Variants in ARFGEF3 observed in about 807,000 individuals in gnomAD.
The protein encoded by ARFGEF3 is ARFGEF family member 3, also known as brefeldin A-inhibited guanine nucleotide-exchange protein 3.
Under a neutral mutation model 221.7 loss-of-function variants are expected in ARFGEF3, and 96 were observed. That is an observed-to-expected ratio of 0.43 (90% CI 0.37 to 0.51). The LOEUF is 0.51. ARFGEF3 is among the 20% of genes least tolerant of loss of function. The pLI is 0.00. For missense variants in ARFGEF3, 2,410 were observed against 2,789.9 expected (o/e 0.86, Z 3.07); for synonymous variants, 1,145 against 1,126.8 (o/e 1.02, Z -0.32).
rs555656840 is a variant in ARFGEF3, at chr6:138,254,140, G to A, written c.770+156G>A. On this transcript the variant is annotated intron_variant, in intron 9 of 33. Coordinates refer to ENST00000251691, the MANE Select transcript of ARFGEF3 (RefSeq NM_020340.5). Reference sequence around the variant, plus strand: ...AGGGAAAGCAGGGAAATTGTGGCCAGGTGCAGTTGTTCACACCTGTAATCT... The same window carrying A: ...AGGGAAAGCAGGGAAATTGTGGCCAAGTGCAGTTGTTCACACCTGTAATCT... 7.9e-4 allele frequency among the ~76,000 whole-genome samples: 121 copies of A among 152,272 alleles called. 1 individual carries two copies. The highest frequency in any genetic ancestry group is 1.5e-3 in the Non-Finnish European group (100 of 68,016).
At chr6:138,179,610 G>C (rs1227162852) in intron 2 of ARFGEF3, among the ~76,000 whole-genome samples, 1 of 152,062 alleles carries the variant, frequency 6.6e-6, no homozygotes, top group African/African-American at 2.4e-5. Flanking sequence ...CTTGACGTGG[G>C]GACCTACTGA....
chr6:138,330,384 C>T (rs1479280545), intron 32 of ARFGEF3, among the ~76,000 whole-genome samples: 2 of 152,204 alleles, frequency 1.3e-5, no homozygotes, highest in Non-Finnish European at 2.9e-5. Context: ...TGATCTCAGG[C>T]ATCCAACCTC....
chr6:138,315,234 TGATTTTAAA>T (rs775084819), intron 26 of ARFGEF3, among the ~76,000 whole-genome samples: 22 of 152,200 alleles, frequency 1.4e-4, no homozygotes, highest in Non-Finnish European at 7.3e-5. Flanking sequence ...ATCAAAACAA[TGATTTTAAA>T]GAATTTGTTT....
intron 14 of ARFGEF3, among the ~76,000 whole-genome samples, chr6:138,281,139 G>A (rs1230277962): frequency 3.3e-5 from 5 of 152,168 alleles, no homozygotes; most frequent in Admixed American, 2.0e-4. Flanking sequence ...TGATCCTTGA[G>A]TAAAGGATCA....
chr6:138,251,806 T>C (rs1467464264), intron 8 of ARFGEF3, among the ~76,000 whole-genome samples: 1 of 152,106 alleles, frequency 6.6e-6, no homozygotes, highest in Non-Finnish European at 1.5e-5. Flanking sequence ...AAGAAGTTGC[T>C]CCTGCCATAT....
rs1777308006 is a variant in ARFGEF3, at chr6:138,191,766, G to A, written c.138-15276G>A. On this transcript the variant is annotated intron_variant, in intron 2 of 33. Transcript: ENST00000251691. ...TACTTCCTCAAAACTGTTCTTTCAGGTAGTCTTCTCTACTTCGTTTGCATG... is the reference window on the plus strand; with the variant it reads ...TACTTCCTCAAAACTGTTCTTTCAGATAGTCTTCTCTACTTCGTTTGCATG... 3.9e-5 allele frequency among the ~76,000 whole-genome samples: 6 copies of A among 152,086 alleles called. No homozygotes were observed. The South Asian group carries it at 1.2e-3, about 32-fold the overall frequency.
chr6:138,163,271 A>G (rs1290983300), intron 1 of ARFGEF3, among the ~76,000 whole-genome samples: 2 of 152,190 alleles, frequency 1.3e-5, no homozygotes, highest in Non-Finnish European at 2.9e-5. Flanking sequence ...ACCTGTGCCT[A>G]TCATCACAAA....
intron 1 of ARFGEF3, among the ~76,000 whole-genome samples, chr6:138,169,635 C>G (rs1038852993): frequency 6.6e-6 from 1 of 152,198 alleles, no homozygotes; most frequent in African/African-American, 2.4e-5. Flanking sequence ...GCTTCCCTTT[C>G]TTGTCATCCT....
At chr6:138,324,209 G>A in intron 31 of ARFGEF3, 55 bp downstream of exon 31, 1 of 1,574,510 alleles carries the variant, frequency 6.4e-7, no homozygotes. Context: ...GTGCATGTTG[G>A]GAGACCTTCC....
At chr6:138,186,902 CTTTTTTTTTTTTTTTTT>C (rs71693484) in intron 2 of ARFGEF3, among the ~76,000 whole-genome samples, 5 of 76,002 alleles carry the variant, frequency 6.6e-5, no homozygotes, top group Admixed American at 2.0e-4. Context: ...CATCCTTTTT[CTTTTTTTTTTTTTTTTT>C]TTTTTTTTTT....
chr6:138,271,822 C>T (rs1458695671), intron 12 of ARFGEF3, among the ~76,000 whole-genome samples: 6 of 152,196 alleles, frequency 3.9e-5, no homozygotes, highest in Non-Finnish European at 8.8e-5. Context: ...ATACCCATTC[C>T]TGCTAACTTA....
rs79929562 is a variant in ARFGEF3 at position 138,340,884 on chromosome 6, G to C, written c.*4398G>C. On this transcript the variant is annotated 3_prime_UTR_variant, in exon 34 of 34. Transcript: ENST00000251691. Reference sequence around the variant, plus strand: ...ACTATTTGACATCTCAGATCTGTCTGGGATGTTATGGAGGTTTTTAAAAAT... The same window carrying C: ...ACTATTTGACATCTCAGATCTGTCTCGGATGTTATGGAGGTTTTTAAAAAT... The C allele has an allele frequency of 1.2e-3, 183 of 152,190 alleles. 1 individual carries two copies. The highest frequency in any genetic ancestry group is 4.2e-3 in the African/African-American group (173 of 41,532). The allele number at this position is 152,190 out of a possible 1,614,324, so 9.4% of individuals were successfully genotyped here.
At chr6:138,192,602 A>G (rs530104082) in intron 2 of ARFGEF3, among the ~76,000 whole-genome samples, 278 of 152,336 alleles carry the variant, frequency 1.8e-3, no homozygotes, top group African/African-American at 6.3e-3. Context: ...CTGGCCATGA[A>G]GCAGTTAACT....
Position 138,263,566 on chromosome 6 carries a change from G to A in ARFGEF3, c.2083G>A (p.Glu695Lys), listed in dbSNP as rs1274902700. 3 of 1,611,908 alleles carry A rather than the reference G, an allele frequency of 1.9e-6. No homozygotes were observed. In the Admixed American group the frequency reaches 5.0e-5, roughly 27 times the overall value. The change falls in exon 12 of 34, where the codon GAG (glutamate) becomes AAG (lysine). Residue 695 changes from glutamate (E) to lysine (K), a missense_variant. Physicochemically the swap from Glu to Lys is moderately conservative, Grantham distance 56. Around this residue, in one of 5 missense-constraint regions of ARFGEF3, gnomAD observed 594 missense variants for 734.3 expected, o/e 0.81. Transcript: ENST00000251691. ...GCTCCTGTCTCTCTCCAATGTAGAG[G>A]AGGTGGACACCGCTCTGCAGAACTT... ...PRLLSLSNVE[E>K]VDTALQNFAS... is the part of the protein sequence containing the mutation.
intron 4 of ARFGEF3, among the ~76,000 whole-genome samples, chr6:138,226,176 A>G (rs529743364): frequency 2.6e-5 from 4 of 152,290 alleles, no homozygotes; most frequent in African/African-American, 9.6e-5. Flanking sequence ...TTAATTCAGG[A>G]TGTTCTTAAA....
intron 1 of ARFGEF3, among the ~76,000 whole-genome samples, chr6:138,164,196 G>C (rs1776675217): frequency 1.3e-5 from 2 of 151,316 alleles, no homozygotes; most frequent in South Asian, 2.1e-4. Flanking sequence ...TCACTGTTTA[G>C]ATTACAAAAC....
At chr6:138,322,381 T>C (rs559696905) in intron 29 of ARFGEF3, among the ~76,000 whole-genome samples, 4 of 152,304 alleles carry the variant, frequency 2.6e-5, no homozygotes, top group Admixed American at 1.3e-4. Flanking sequence ...ATGATTCAGT[T>C]ACCTCTCACG....
intron 22 of ARFGEF3, among the ~76,000 whole-genome samples, chr6:138,299,572 C>T (rs1779592463): frequency 6.6e-6 from 1 of 152,194 alleles, no homozygotes; most frequent in African/African-American, 2.4e-5. Flanking sequence ...AATACCTTGA[C>T]ACACTGGCAA....
At position 138,291,040 on chromosome 6, in the gene ARFGEF3, T is replaced by C. The variant is rs984294780; in HGVS notation, c.3048-693T>C. ...CAGAGTGGATTATCCATGATGCTCT[T>C]TACCAGTAAACAGACTTACTCCGAG... On this transcript the variant is annotated intron_variant, in intron 18 of 33. Transcript: ENST00000251691. The surrounding 1 kb of genome is among the most constrained non-coding windows in gnomAD (Gnocchi z 4.5). 1.3e-5 allele frequency among the ~76,000 whole-genome samples: 2 copies of C among 152,172 alleles called. No individual in the cohort carries two copies. Among genetic ancestry groups the C allele is most frequent in the African/African-American group, 4.8e-5 (2 of 41,438 alleles).
Sources: gnomAD v4.1 joint callset for allele counts (sites outside exome capture counted in the v4.1 genomes callset) on GRCh38, gnomAD v4.1.1 for gene constraint, gnomAD v4.1.1 regional missense constraint, Gnocchi (gnomAD v3.1) non-coding constraint, MANE v1.5 for transcripts, NCBI Gene and HGNC (gene_info 2026-07-23, HGNC 2026-07-21) for gene names.